Variants in LRP1B observed in about 807,000 individuals in gnomAD.
The protein encoded by LRP1B is LDL receptor related protein 1B.
Under a neutral mutation model 556.6 loss-of-function variants are expected in LRP1B, and 217 were observed. The observed-to-expected ratio is 0.39, with a 90% CI of 0.35 to 0.44. The LOEUF is 0.44. Ranked by LOEUF, LRP1B falls within the 20% of genes least tolerant of loss-of-function variation. The pLI, the probability that LRP1B is intolerant of heterozygous loss-of-function variation, is 1.00. For missense variants in LRP1B, 5,053 were observed against 5,620.8 expected (o/e 0.90, Z 3.23); for synonymous variants, 2,047 against 1,865.8 (o/e 1.10, Z -2.50).
intron 1 of LRP1B, among the ~76,000 whole-genome samples, chr2:142,002,011 T>G (rs950947178): frequency 6.6e-6 from 1 of 152,172 alleles, no homozygotes; most frequent in African/African-American, 2.4e-5. Flanking sequence ...GAAGAGAACA[T>G]TAATTCAACT....
chr2:141,567,133 G>C (rs1380448066), intron 2 of LRP1B, among the ~76,000 whole-genome samples: 1 of 152,162 alleles, frequency 6.6e-6, no homozygotes, highest in Non-Finnish European at 1.5e-5. Context: ...CTTTTTAAAA[G>C]GGCAAGTTTG....
intron 84 of LRP1B, among the ~76,000 whole-genome samples, chr2:140,275,809 C>T (rs10928746): frequency 0.33 from 49,449 of 151,726 alleles, 8,548 homozygotes; most frequent in African/African-American, 0.43. Flanking sequence ...GCGTCACAGA[C>T]GATTTTCTCA....
At chr2:141,385,382 G>C (rs1247140257) in intron 3 of LRP1B, among the ~76,000 whole-genome samples, 1 of 152,140 alleles carries the variant, frequency 6.6e-6, no homozygotes, top group Non-Finnish European at 1.5e-5. Context: ...TGGATATGAT[G>C]CCACCAGTGG....
chr2:140,960,126 T>C (rs939713500), intron 18 of LRP1B, among the ~76,000 whole-genome samples: 18 of 151,766 alleles, frequency 1.2e-4, no homozygotes, highest in Admixed American at 1.2e-3. Context: ...TTGATGTCCA[T>C]TTATAATTCT....
chr2:141,274,171 A>T (rs549829484), intron 3 of LRP1B, among the ~76,000 whole-genome samples: 17 of 152,308 alleles, frequency 1.1e-4, no homozygotes, highest in African/African-American at 4.1e-4. Context: ...AAAAAGTTAT[A>T]AGTAGAGTCA....
rs79278578 is a variant in LRP1B, at chr2:140,531,303, C to G, written c.7762+2718G>C. ...TCCTGCTTACAAATAATTGACAGAACCTATCTATTTCTAGGTCTTCTCATT... is the reference window on the plus strand; with the variant it reads ...TCCTGCTTACAAATAATTGACAGAAGCTATCTATTTCTAGGTCTTCTCATT... On this transcript the variant is annotated intron_variant, in intron 47 of 90. Coordinates refer to ENST00000389484, the MANE Select transcript of LRP1B (RefSeq NM_018557.3). Among the ~76,000 whole-genome samples, 556 of 152,188 alleles carry G rather than the reference C, an allele frequency of 3.7e-3. 7 individuals are homozygous for G. The highest frequency in any genetic ancestry group is 0.034 in the East Asian group (177 of 5,170).
At chr2:142,012,439 T>G (rs1370888384) in intron 1 of LRP1B, among the ~76,000 whole-genome samples, 1 of 152,150 alleles carries the variant, frequency 6.6e-6, no homozygotes, top group Non-Finnish European at 1.5e-5. Context: ...TGTGTTTTCT[T>G]TAGGTTTTTA....
At chr2:142,093,632 C>T (rs1276622488) in intron 1 of LRP1B, among the ~76,000 whole-genome samples, 5 of 151,930 alleles carry the variant, frequency 3.3e-5, no homozygotes, top group South Asian at 2.1e-4. Flanking sequence ...GGGAGTAAAC[C>T]GGATTTCCAA....
intron 2 of LRP1B, among the ~76,000 whole-genome samples, chr2:141,692,883 T>C (rs377657611): frequency 1.9e-4 from 29 of 152,144 alleles, no homozygotes; most frequent in African/African-American, 6.5e-4. Context: ...AAATATGATA[T>C]TATAATCTTA....
chr2:142,129,421 A>T (rs56342849), intron 1 of LRP1B, among the ~76,000 whole-genome samples: 1 of 152,222 alleles, frequency 6.6e-6, no homozygotes, highest in South Asian at 2.1e-4. Flanking sequence ...TGCCAACAGC[A>T]GGTTGAATAG....
intron 15 of LRP1B, 115 bp from the exon 16 acceptor site, chr2:140,994,250 G>T (rs982117033): frequency 6.0e-6 from 5 of 832,418 alleles, no homozygotes; most frequent in South Asian, 1.7e-5. Flanking sequence ...AGTGGGATGA[G>T]GTATTTGTCC....
intron 11 of LRP1B, among the ~76,000 whole-genome samples, chr2:141,025,841 GGAA>G (rs1408326104): frequency 1.3e-5 from 2 of 151,986 alleles, no homozygotes; most frequent in African/African-American, 2.4e-5. Flanking sequence ...GAATGGGCTG[GGAA>G]GAAGAAGGTC....
At chr2:140,862,000 C>A (rs1243998646) in intron 27 of LRP1B, among the ~76,000 whole-genome samples, 2 of 152,186 alleles carry the variant, frequency 1.3e-5, no homozygotes, top group African/African-American at 4.8e-5. Flanking sequence ...AAGGCTCTAT[C>A]ATTGCCCTTT....
chr2:141,115,610 C>A lies in LRP1B; in HGVS notation c.1014-53337G>T, dbSNP rs1020195586. Among the ~76,000 whole-genome samples, 15 of 145,752 alleles carry A rather than the reference C, an allele frequency of 1.0e-4. No homozygotes were observed. In the East Asian group the frequency reaches 2.9e-3, roughly 28 times the overall value. On this transcript the variant is annotated intron_variant, in intron 7 of 90. Transcript: ENST00000389484. ...TAGCTGGGACTACAGGCTCCCGCCA[C>A]CATGCCCGGCTAATTTGTGTGTGTG...
chr2:140,788,374 A>G (rs1394460752), intron 32 of LRP1B, among the ~76,000 whole-genome samples: 1 of 152,118 alleles, frequency 6.6e-6, no homozygotes, highest in Non-Finnish European at 1.5e-5. Context: ...CTTTTCTATA[A>G]TTTTACACTA....
At chr2:141,483,251 T>G (rs1184020628) in intron 2 of LRP1B, among the ~76,000 whole-genome samples, 2 of 150,792 alleles carry the variant, frequency 1.3e-5, no homozygotes, top group Non-Finnish European at 3.0e-5. Flanking sequence ...CTGAGAATGA[T>G]GGTTTCCAGT....
chr2:140,526,103 A>G, intron 48 of LRP1B, 110 bp from the exon 49 acceptor site: 2 of 1,347,894 alleles, frequency 1.5e-6, no homozygotes, highest in East Asian at 2.4e-5. Context: ...GGAAATAGAT[A>G]CGTAATTATC....
intron 6 of LRP1B, among the ~76,000 whole-genome samples, chr2:141,213,754 C>T (rs1410965392): frequency 1.3e-5 from 2 of 152,166 alleles, no homozygotes; most frequent in Non-Finnish European, 2.9e-5. Context: ...ATACCAAATA[C>T]AAAGTAAATA....
chr2:141,859,034 C>A (rs1483687671), intron 1 of LRP1B, among the ~76,000 whole-genome samples: 2 of 151,898 alleles, frequency 1.3e-5, no homozygotes. Context: ...CTCTTTCCCC[C>A]TCTAGGGCTA....
Sources: gnomAD v4.1 joint callset for allele counts (sites outside exome capture counted in the v4.1 genomes callset) on GRCh38, gnomAD v4.1.1 for gene constraint, MANE v1.5 for transcripts, NCBI Gene and HGNC (gene_info 2026-07-23, HGNC 2026-07-21) for gene names.